The following ACO1 variants were observed in gnomAD, a reference collection of about 807,000 sequenced individuals.
ACO1 encodes aconitase 1, also known as cytoplasmic aconitate hydratase.
Under a neutral mutation model 105.1 loss-of-function variants are expected in ACO1, and 78 were observed. The ratio of observed to expected loss-of-function variants is 0.74; its 90% confidence interval spans 0.62 to 0.90. The LOEUF (loss-of-function observed/expected upper bound fraction) is 0.90. ACO1 is among the 40% of genes least tolerant of loss of function. The pLI is 0.00. For synonymous variants in ACO1, 364 were observed against 397.4 expected (o/e 0.92, Z 1.00); for missense variants, 965 against 1,111.1 (o/e 0.87, Z 1.87).
At chr9:32,436,093 G>A in intron 17 of ACO1, 157 bp from the exon 18 acceptor site, 1 of 964,022 alleles carries the variant, frequency 1.0e-6, no homozygotes, top group Non-Finnish European at 1.6e-6. Context: ...AAGCTTTGGG[G>A]ACAGCTTTTC....
At chr9:32,395,346 G>A (rs1010794449) in intron 1 of ACO1, among the ~76,000 whole-genome samples, 6 of 152,100 alleles carry the variant, frequency 3.9e-5, no homozygotes, top group African/African-American at 7.2e-5. Flanking sequence ...CGTGGTGGTG[G>A]GCACCTGTAA....
intron 18 of ACO1, among the ~76,000 whole-genome samples, chr9:32,438,294 A>G (rs980179258): frequency 6.6e-6 from 1 of 152,214 alleles, no homozygotes; most frequent in African/African-American, 2.4e-5. Flanking sequence ...AAAGCTTAAA[A>G]AAGCCCTCAA....
chr9:32,420,731 T>C (rs569356043), intron 7 of ACO1, 125 bp from the exon 8 acceptor site: 31 of 949,948 alleles, frequency 3.3e-5, no homozygotes, highest in Non-Finnish European at 4.6e-5. Context: ...ATCACAAATG[T>C]GTTGGGCTGA....
intron 1 of ACO1, among the ~76,000 whole-genome samples, chr9:32,393,478 A>C (rs886998908): frequency 2.0e-5 from 3 of 152,148 alleles, no homozygotes; most frequent in Non-Finnish European, 2.9e-5. Flanking sequence ...TGCATGCCCG[A>C]AACTTCATTA....
At chr9:32,425,413 A>G (rs962718019) in intron 10 of ACO1, among the ~76,000 whole-genome samples, 3 of 152,208 alleles carry the variant, frequency 2.0e-5, no homozygotes, top group Non-Finnish European at 4.4e-5. Context: ...TGGTCAAAAT[A>G]GCGCCTTTTT....
intron 13 of ACO1, 45 bp from the exon 14 acceptor site, chr9:32,430,373 A>G (rs777516436): frequency 6.3e-7 from 1 of 1,575,500 alleles, no homozygotes; most frequent in African/African-American, 1.4e-5. Context: ...CAAGAAGCCT[A>G]GTCAGTATCT....
At chr9:32,395,014 T>C (rs941713153) in intron 1 of ACO1, among the ~76,000 whole-genome samples, 4 of 152,186 alleles carry the variant, frequency 2.6e-5, no homozygotes, top group Admixed American at 1.3e-4. Flanking sequence ...AATTCCTAAT[T>C]CCTAAAGTTT....
At position 32,397,929 on chromosome 9, in the gene ACO1, G is replaced by C. The variant is rs374856151; in HGVS notation, c.-22-7556G>C. Among the ~76,000 whole-genome samples, 375 of 152,280 alleles carry C rather than the reference G, an allele frequency of 2.5e-3. 3 individuals are homozygous for C. Among genetic ancestry groups the C allele is most frequent in the African/African-American group, 8.6e-3 (356 of 41,560 alleles). On this transcript the variant is annotated intron_variant, in intron 1 of 20. Coordinates refer to ENST00000309951, the MANE Select transcript of ACO1 (RefSeq NM_002197.3). ...TGCTGCCAGTACTTTAGACCATAGA[G>C]AGATGATTCTCAGTTGATCATCTGA... is the stretch of plus-strand genomic sequence containing the variant.
At chr9:32,399,810 T>TC (rs1409356852) in intron 1 of ACO1, among the ~76,000 whole-genome samples, 2 of 151,626 alleles carry the variant, frequency 1.3e-5, no homozygotes, top group Non-Finnish European at 2.9e-5. Flanking sequence ...TCTAGTGATT[T>TC]TTTTTTTTTG....
chr9:32,393,330 G>A (rs114594570), intron 1 of ACO1, among the ~76,000 whole-genome samples: 1,583 of 152,286 alleles, frequency 0.01, 29 homozygotes, highest in African/African-American at 0.036. Flanking sequence ...GGTCACTGCT[G>A]TAGGGAAGAA....
At chr9:32,419,333 T>C (rs754772673) in intron 7 of ACO1, among the ~76,000 whole-genome samples, 156 bp downstream of exon 7, 2 of 152,246 alleles carry the variant, frequency 1.3e-5, no homozygotes, top group Non-Finnish European at 2.9e-5. Context: ...GTAAGGGAAG[T>C]GTTCTATGTT....
intron 12 of ACO1, 119 bp downstream of exon 12, chr9:32,427,555 T>G: frequency 7.1e-7 from 1 of 1,403,544 alleles, no homozygotes; most frequent in Non-Finnish European, 9.9e-7. Flanking sequence ...GCATAGTCGT[T>G]TATCAGTTGG....
rs117637440 is a variant in ACO1 at position 32,428,219 on chromosome 9, G to A, written c.1484+783G>A. 1.1e-3 allele frequency among the ~76,000 whole-genome samples: 166 copies of A among 150,998 alleles called. 3 individuals carry two copies. In the East Asian group the frequency reaches 0.029, roughly 27 times the overall value. ...GGATGGCTTGAGCCCAGGAGTTTGAGGTTGCAGTGAGCTATGATCACGCCA... is the reference window on the plus strand; with the variant it reads ...GGATGGCTTGAGCCCAGGAGTTTGAAGTTGCAGTGAGCTATGATCACGCCA... On this transcript the variant is annotated intron_variant, in intron 12 of 20. Transcript: ENST00000309951.
chr9:32,434,704 A>G lies in ACO1; in HGVS notation c.2099+3A>G, dbSNP rs1359546002. On this transcript the variant is annotated splice_donor_region_variant and intron_variant, in intron 17 of 20. Coordinates refer to ENST00000309951, the MANE Select transcript of ACO1 (RefSeq NM_002197.3). ...GCTCGCTACTTAACTAACAGAGGGT[A>G]AGTATGAATGAGGCAGGAAGGACTA... 1 of 1,614,012 alleles carries G rather than the reference A, an allele frequency of 6.2e-7. No homozygotes were observed. Among genetic ancestry groups the G allele is most frequent in the South Asian group, 1.1e-5 (1 of 91,074 alleles).
chr9:32,424,470 A>G, intron 9 of ACO1, 79 bp from the exon 10 acceptor site: 1 of 929,184 alleles, frequency 1.1e-6, no homozygotes, highest in South Asian at 1.6e-5. Context: ...GTCATGTTTT[A>G]AATTCTCTGA....
At chr9:32,414,162 G>A (rs7035134) in intron 4 of ACO1, among the ~76,000 whole-genome samples, 8,151 of 151,876 alleles carry the variant, frequency 0.054, 479 homozygotes, top group East Asian at 0.18. Context: ...CAAAAAAAAA[G>A]AATTTCATAA....
intron 8 of ACO1, among the ~76,000 whole-genome samples, chr9:32,421,997 A>C (rs1821985973): frequency 1.3e-5 from 2 of 152,242 alleles, no homozygotes; most frequent in African/African-American, 4.8e-5. Flanking sequence ...GTTTTTATTA[A>C]ATATAAACAC....
At chr9:32,416,707 C>T (rs1587532054) in intron 4 of ACO1, among the ~76,000 whole-genome samples, 1 of 152,182 alleles carries the variant, frequency 6.6e-6, no homozygotes, top group African/African-American at 2.4e-5. Context: ...ATGTGGCAGG[C>T]TCTGGGGGAG....
intron 18 of ACO1, among the ~76,000 whole-genome samples, chr9:32,440,078 C>G (rs553984061): frequency 6.6e-6 from 1 of 152,116 alleles, no homozygotes; most frequent in Non-Finnish European, 1.5e-5. Context: ...ACCAGTTTGG[C>G]CAACATGGTG....
Sources: allele counts gnomAD v4.1 joint callset (sites outside exome capture counted in the v4.1 genomes callset), GRCh38; gene constraint gnomAD v4.1.1; transcripts MANE v1.5; gene names NCBI Gene and HGNC (gene_info 2026-07-23, HGNC 2026-07-21).